NELL1: variants seen among roughly 807,000 people sequenced by gnomAD.
NELL1 encodes the protein neural EGFL like 1, also known as protein kinase C-binding protein NELL1.
NELL1 carries 76 observed loss-of-function variants against 107.4 expected under a neutral mutation model. The observed-to-expected ratio is 0.71, with a 90% confidence interval of 0.59 to 0.86. The LOEUF (loss-of-function observed/expected upper bound fraction) is 0.86. Among genes scored for constraint, NELL1 ranks in the 40% least tolerant of loss-of-function variants. The pLI, the probability that NELL1 is intolerant of heterozygous loss-of-function variation, is 0.00. For missense variants in NELL1, 1,024 were observed against 1,005.5 expected (o/e 1.02, Z -0.25); for synonymous variants, 353 against 341.2 (o/e 1.03, Z -0.38).
At chr11:20,857,991 C>T (rs1307768406) in intron 4 of NELL1, among the ~76,000 whole-genome samples, 2 of 152,138 alleles carry the variant, frequency 1.3e-5, no homozygotes, top group Non-Finnish European at 2.9e-5. Flanking sequence ...CTCGTAAGAA[C>T]GTAACAGGAC....
chr11:20,734,285 G>C (rs1307439098), intron 2 of NELL1, among the ~76,000 whole-genome samples: 1 of 152,146 alleles, frequency 6.6e-6, no homozygotes, highest in Non-Finnish European at 1.5e-5. Context: ...GAGAAATTTA[G>C]ATTTTGTTTT....
chr11:20,973,101 CTTTT>C (rs761894107), intron 12 of NELL1, among the ~76,000 whole-genome samples: 4 of 92,500 alleles, frequency 4.3e-5, no homozygotes, highest in African/African-American at 1.3e-4. Context: ...ATCTTCATTA[CTTTT>C]TTTTTTTTTT....
intron 12 of NELL1, among the ~76,000 whole-genome samples, chr11:21,001,838 G>C (rs1215598870): frequency 1.3e-5 from 2 of 151,260 alleles, no homozygotes; most frequent in South Asian, 4.2e-4. Context: ...CTGGAGCTAG[G>C]GGAAGACTGT....
intron 13 of NELL1, among the ~76,000 whole-genome samples, chr11:21,166,137 C>G (rs1051730427): frequency 6.6e-6 from 1 of 151,624 alleles, no homozygotes; most frequent in Non-Finnish European, 1.5e-5. Flanking sequence ...GAAAGACAAA[C>G]ATGACATATT....
rs117662772 is a variant in NELL1, at chr11:21,058,577, A to G, written c.1301-55012A>G. Among the ~76,000 whole-genome samples the G allele has an allele frequency of 8.1e-3, 1,240 of 152,232 alleles. 10 individuals carry two copies. Among genetic ancestry groups the G allele is most frequent in the Non-Finnish European group, 0.013 (887 of 67,980 alleles). On this transcript the variant is annotated intron_variant, in intron 12 of 19. Coordinates refer to ENST00000357134, the MANE Select transcript of NELL1 (RefSeq NM_006157.5). The stretch of plus-strand genomic sequence containing the variant: ...GTGACACTTAAGCCCCTGATTGGCA[A>G]AACTCTAATGGTGATGATATTTGTG...
At position 20,669,633 on chromosome 11, in the gene NELL1, G is replaced by A; in HGVS notation, c.-91G>A. The A allele has an allele frequency of 8.7e-7, 1 of 1,146,042 alleles. No homozygotes were observed. The highest frequency in any genetic ancestry group is 1.3e-6 in the Non-Finnish European group (1 of 772,902). The allele number at this position is 1,146,042 out of a possible 1,614,324, so 71.0% of individuals were successfully genotyped here. ...CCCCCGCCGCCCGCTAGCAAGTTTG[G>A]CGGCTCCAAGCCAGGCGCGCCTCAG... On this transcript the variant is annotated 5_prime_UTR_variant, in exon 1 of 20. Transcript: ENST00000357134. The surrounding 1 kb of genome is among the most constrained non-coding windows in gnomAD (Gnocchi z 4.4).
At chr11:20,905,451 C>T (rs1211892983) in intron 5 of NELL1, among the ~76,000 whole-genome samples, 5 of 152,060 alleles carry the variant, frequency 3.3e-5, no homozygotes, top group Non-Finnish European at 5.9e-5. Flanking sequence ...TGAGGAAGCA[C>T]AGATGTTGAA....
intron 5 of NELL1, among the ~76,000 whole-genome samples, chr11:20,903,392 T>C (rs997646798): frequency 6.6e-6 from 1 of 152,098 alleles, no homozygotes; most frequent in African/African-American, 2.4e-5. Context: ...ATTAAAATCA[T>C]ATTAGAAGAC....
intron 14 of NELL1, among the ~76,000 whole-genome samples, chr11:21,335,804 G>C (rs1386827583): frequency 6.6e-6 from 1 of 152,028 alleles, no homozygotes; most frequent in Non-Finnish European, 1.5e-5. Context: ...GGATGAGAGA[G>C]CCAATTGACT....
intron 14 of NELL1, among the ~76,000 whole-genome samples, chr11:21,296,444 A>C (rs1376269753): frequency 6.6e-6 from 1 of 151,808 alleles, no homozygotes. Context: ...ATATATCTCT[A>C]ATCATCAAGT....
intron 15 of NELL1, among the ~76,000 whole-genome samples, chr11:21,460,128 G>T (rs1488208560): frequency 2.0e-5 from 3 of 152,052 alleles, no homozygotes; most frequent in African/African-American, 4.8e-5. Context: ...AACATAGGTT[G>T]CAGAGAGTAT....
rs186614329 is a variant in NELL1 at position 21,407,052 on chromosome 11, G to A, written c.1645+36104G>A. Among the ~76,000 whole-genome samples the A allele has an allele frequency of 1.8e-4, 27 of 152,122 alleles. 1 individual carries two copies. The highest frequency in any genetic ancestry group is 8.5e-4 in the Admixed American group (13 of 15,276). ...TCCACGTATGAGTGAGAATTTGAGT[G>A]AAGCTGTAGTTTAACTTATTTATGT... On this transcript the variant is annotated intron_variant, in intron 15 of 19. Coordinates refer to ENST00000357134, the MANE Select transcript of NELL1 (RefSeq NM_006157.5).
At chr11:21,407,768 A>C (rs998493953) in intron 15 of NELL1, among the ~76,000 whole-genome samples, 1 of 150,610 alleles carries the variant, frequency 6.6e-6, no homozygotes, top group Non-Finnish European at 1.5e-5. Flanking sequence ...AAAGTTACTA[A>C]TTATTTCTTC....
intron 4 of NELL1, among the ~76,000 whole-genome samples, chr11:20,871,265 C>T (rs538694056): frequency 3.9e-5 from 6 of 152,272 alleles, no homozygotes; most frequent in South Asian, 2.1e-4. Context: ...ACAGGTCAGT[C>T]TCCTGTGGCC....
intron 16 of NELL1, among the ~76,000 whole-genome samples, chr11:21,539,851 G>T (rs1856248122): frequency 6.6e-6 from 1 of 151,574 alleles, no homozygotes; most frequent in Non-Finnish European, 1.5e-5. Context: ...GCCATTTAGG[G>T]CCATTTAGCC....
At chr11:21,486,601 A>T (rs1467604117) in intron 15 of NELL1, among the ~76,000 whole-genome samples, 1 of 152,148 alleles carries the variant, frequency 6.6e-6, no homozygotes, top group Non-Finnish European at 1.5e-5. Context: ...AAAGAGACAC[A>T]GTAATTCTCT....
At chr11:21,205,690 C>CT (rs1857375141) in intron 13 of NELL1, among the ~76,000 whole-genome samples, 1 of 152,204 alleles carries the variant, frequency 6.6e-6, no homozygotes, top group Non-Finnish European at 1.5e-5. Flanking sequence ...AGCAAGCTCG[C>CT]TGTCTGCCCA....
chr11:21,203,247 T>A (rs1197321086), intron 13 of NELL1, among the ~76,000 whole-genome samples: 1 of 152,134 alleles, frequency 6.6e-6, no homozygotes, highest in East Asian at 1.9e-4. Flanking sequence ...TATTATTGGG[T>A]GGGAGTCTAA....
intron 12 of NELL1, among the ~76,000 whole-genome samples, chr11:21,075,417 C>T (rs1854111679): frequency 6.6e-6 from 1 of 152,112 alleles, no homozygotes. Flanking sequence ...GAGGCAGGAG[C>T]TTCATGCTTG....
Sources: allele counts gnomAD v4.1 joint callset (sites outside exome capture counted in the v4.1 genomes callset), GRCh38; gene constraint gnomAD v4.1.1; non-coding constraint Gnocchi (gnomAD v3.1); transcripts MANE v1.5; gene names NCBI Gene and HGNC (gene_info 2026-07-23, HGNC 2026-07-21).